RUNX1: variants seen among roughly 807,000 people sequenced by gnomAD.
RUNX1 encodes runt-related transcription factor 1.
RUNX1 carries 19 observed loss-of-function variants against 42.8 expected under a neutral mutation model. The ratio of observed to expected loss-of-function variants is 0.44; its 90% CI spans 0.31 to 0.65. RUNX1 has a LOEUF of 0.65. RUNX1 is among the 30% of genes least tolerant of loss of function. The probability of loss-of-function intolerance (pLI) is 0.07; values close to 1 mark genes in which losing one functional copy is unlikely to be tolerated. For synonymous variants in RUNX1, 271 were observed against 289.4 expected (o/e 0.94, Z 0.64); for missense variants, 528 against 672.0 (o/e 0.79, Z 2.37).
rs996833653 is a variant in RUNX1, at chr21:34,907,937, G to A, written c.59-14974C>T. ...GTTTATAGAGGGAAAAGGAGGCTCT[G>A]AAAAGTGAGTGGCTCTTCTAAGCTC... On this transcript the variant is annotated intron_variant, in intron 2 of 8. Coordinates refer to ENST00000675419, the MANE Select transcript of RUNX1 (RefSeq NM_001754.5). This position sits in a 1 kb window ranked among gnomAD's most constrained non-coding sequence, Gnocchi z 5.3. Among the ~76,000 whole-genome samples the A allele has an allele frequency of 6.6e-6, 1 of 152,190 alleles. No homozygotes were observed. Among genetic ancestry groups the A allele is most frequent in the African/African-American group, 2.4e-5 (1 of 41,444 alleles).
chr21:35,039,090 G>C (rs11701383), intron 2 of RUNX1, among the ~76,000 whole-genome samples: 8,264 of 152,194 alleles, frequency 0.054, 315 homozygotes, highest in Non-Finnish European at 0.071. Context: ...TAAGGACTCA[G>C]GGATTCATAT....
chr21:34,880,415 T>G lies in RUNX1; in HGVS notation c.508+142A>C, dbSNP rs576323954. On this transcript the variant is annotated intron_variant, in intron 5 of 8. Transcript: ENST00000675419. ...AAAAATATTAAACTTCAAATAAATA[T>G]TTTTAAGAGCTTGACATAGCAATAA... 5.3e-6 allele frequency: 4 copies of G among 755,272 alleles called. No homozygotes were observed. In the East Asian group the frequency reaches 1.1e-4, roughly 20 times the overall value. The allele number at this position is 755,272 out of a possible 1,614,324, so 46.8% of individuals were successfully genotyped here. A position where few individuals can be genotyped will look rare whatever the true frequency, so the allele number is the denominator to read the frequency against.
chr21:35,047,549 A>ACCCTCTCTCTCT (rs1262198638), intron 2 of RUNX1, among the ~76,000 whole-genome samples: 1 of 107,686 alleles, frequency 9.3e-6, no homozygotes. Flanking sequence ...ACACACACAC[A>ACCCTCTCTCTCT]CACACACACA....
rs118134802 is a variant in RUNX1, at chr21:34,840,729, T to C, written c.614-6128A>G. Reference sequence around the variant, plus strand: ...GATCCCACCTGGCCTGCTCTATCTTTCTGTGTGCTGGGGGTCAGCAGCTTT... The same window carrying C: ...GATCCCACCTGGCCTGCTCTATCTTCCTGTGTGCTGGGGGTCAGCAGCTTT... On this transcript the variant is annotated intron_variant, in intron 6 of 8. Transcript: ENST00000675419. 3.4e-3 allele frequency among the ~76,000 whole-genome samples: 523 copies of C among 152,302 alleles called. 4 individuals carry two copies. The highest frequency in any genetic ancestry group is 6.3e-3 in the Non-Finnish European group (427 of 68,012).
chr21:34,963,704 C>T (rs1040306480), intron 2 of RUNX1, among the ~76,000 whole-genome samples: 24 of 152,096 alleles, frequency 1.6e-4, no homozygotes, highest in Admixed American at 5.9e-4. Context: ...GGTCCGGAGG[C>T]GAGACAAGAT....
rs190445162 is a variant in RUNX1, at chr21:34,897,269, C to G, written c.59-4306G>C. Among the ~76,000 whole-genome samples, 10 of 152,316 alleles carry G rather than the reference C, an allele frequency of 6.6e-5. No individual in the cohort carries two copies. The East Asian group carries it at 1.9e-3, about 29-fold the overall frequency. On this transcript the variant is annotated intron_variant, in intron 2 of 8. Coordinates refer to ENST00000675419, the MANE Select transcript of RUNX1 (RefSeq NM_001754.5). ...TATTGACATCATTCTGGTTCAAGTT[C>G]TCATTACCTCTCTGAAGATTTCTTA...
At position 34,976,981 on chromosome 21, in the gene RUNX1, G is replaced by A. The variant is rs546305066; in HGVS notation, c.58+71861C>T. Among the ~76,000 whole-genome samples the A allele has an allele frequency of 4.0e-5, 6 of 151,048 alleles. No homozygotes were observed. The East Asian group carries it at 9.6e-4, about 24-fold the overall frequency. On this transcript the variant is annotated intron_variant, in intron 2 of 8. Coordinates refer to ENST00000675419, the MANE Select transcript of RUNX1 (RefSeq NM_001754.5). ...GCTATCCAAATTACCTCACTCAAAC[G>A]GGGAAATGTTCCTTCCATTAAGTAA...
chr21:35,016,706 C>A lies in RUNX1; in HGVS notation c.58+32136G>T, dbSNP rs939137886. ...ACCCCATTTCTGGGGCCTGAAGGGT[C>A]CAGGTATAAAGGGACCAAGACAGGA... On this transcript the variant is annotated intron_variant, in intron 2 of 8. Coordinates refer to ENST00000675419, the MANE Select transcript of RUNX1 (RefSeq NM_001754.5). Among the ~76,000 whole-genome samples the A allele has an allele frequency of 8.5e-5, 13 of 152,150 alleles. 1 individual carries two copies. In the South Asian group the frequency reaches 2.7e-3, roughly 32 times the overall value.
chr21:34,791,823 G>T lies in RUNX1; in HGVS notation c.*312C>A, dbSNP rs1177060219. The T allele has an allele frequency of 1.3e-5, 3 of 233,962 alleles. No individual in the cohort carries two copies. The highest frequency in any genetic ancestry group is 6.1e-5 in the East Asian group (1 of 16,366). 14.5% of individuals were successfully genotyped at this position (233,962 alleles called of 1,614,324 possible). A position where few individuals can be genotyped will look rare whatever the true frequency, so the allele number is the denominator to read the frequency against. The stretch of plus-strand genomic sequence containing the variant: ...TCAGAAGCATTCACAGTTTCCCTCC[G>T]GGAATCTTCCTGTTTGCTTTCCAGC... On this transcript the variant is annotated 3_prime_UTR_variant, in exon 9 of 9. Coordinates refer to ENST00000675419, the MANE Select transcript of RUNX1 (RefSeq NM_001754.5).
chr21:34,865,672 G>T (rs2057651100), intron 5 of RUNX1, among the ~76,000 whole-genome samples: 1 of 152,196 alleles, frequency 6.6e-6, no homozygotes, highest in South Asian at 2.1e-4. Flanking sequence ...GGCGGCCCTG[G>T]GGCTGGTGAA....
intron 2 of RUNX1, among the ~76,000 whole-genome samples, chr21:34,921,795 C>A (rs191798966): frequency 1.9e-3 from 282 of 152,124 alleles, no homozygotes; most frequent in African/African-American, 6.5e-3. Context: ...CCATACCTGG[C>A]GAATTTTTTT....
intron 7 of RUNX1, among the ~76,000 whole-genome samples, chr21:34,830,617 T>C (rs2057050445): frequency 6.6e-6 from 1 of 152,198 alleles, no homozygotes; most frequent in Non-Finnish European, 1.5e-5. Context: ...GCCATCCCAC[T>C]TGCACTGGCT....
At chr21:34,824,642 G>C (rs2056961996) in intron 7 of RUNX1, among the ~76,000 whole-genome samples, 2 of 152,204 alleles carry the variant, frequency 1.3e-5, no homozygotes, top group African/African-American at 2.4e-5. Flanking sequence ...TAACAGGGCT[G>C]GTGACAATTG....
chr21:34,964,550 G>A (rs1469667075), intron 2 of RUNX1, among the ~76,000 whole-genome samples: 1 of 151,576 alleles, frequency 6.6e-6, no homozygotes, highest in Non-Finnish European at 1.5e-5. Flanking sequence ...TGTGCTTTTT[G>A]GCATGAAAGG....
chr21:34,802,992 T>TA (rs2056629271), intron 7 of RUNX1, among the ~76,000 whole-genome samples: 1 of 152,302 alleles, frequency 6.6e-6, no homozygotes, highest in East Asian at 1.9e-4. Flanking sequence ...ATTGTATTAC[T>TA]AAAAAGGAAA....
At chr21:34,918,691 C>G (rs1372291980) in intron 2 of RUNX1, among the ~76,000 whole-genome samples, 1 of 152,164 alleles carries the variant, frequency 6.6e-6, no homozygotes, top group Non-Finnish European at 1.5e-5. Flanking sequence ...AGGTGGATCA[C>G]AAGGTCAAGA....
chr21:34,834,357 G>A (rs1201154594), intron 7 of RUNX1, 53 bp downstream of exon 7: 3 of 1,567,828 alleles, frequency 1.9e-6, no homozygotes, highest in Middle Eastern at 1.7e-4. Flanking sequence ...GCCAGTTGTG[G>A]GTGGTGGCCC....
intron 2 of RUNX1, among the ~76,000 whole-genome samples, chr21:34,973,364 G>A (rs2058776591): frequency 6.6e-6 from 1 of 152,200 alleles, no homozygotes; most frequent in Non-Finnish European, 1.5e-5. Context: ...TCAAATCCCT[G>A]CAACGTACTG....
At chr21:34,985,809 G>A (rs372178013) in intron 2 of RUNX1, among the ~76,000 whole-genome samples, 3 of 151,030 alleles carry the variant, frequency 2.0e-5, no homozygotes, top group Admixed American at 6.6e-5. Flanking sequence ...TGTGGTATGC[G>A]GTGTAACAAA....
Sources: gnomAD v4.1 joint callset for allele counts (sites outside exome capture counted in the v4.1 genomes callset) on GRCh38, gnomAD v4.1.1 for gene constraint, Gnocchi (gnomAD v3.1) non-coding constraint, MANE v1.5 for transcripts, NCBI Gene and HGNC (gene_info 2026-07-23, HGNC 2026-07-21) for gene names.